KANK1: variants seen among roughly 807,000 people sequenced by gnomAD.
The protein encoded by KANK1 is KN motif and ankyrin repeat domains 1.
In KANK1, 109 loss-of-function variants were observed where a neutral mutation model predicts 106.2. The ratio of observed to expected loss-of-function variants is 1.03; its 90% CI spans 0.88 to 1.20. The LOEUF (loss-of-function observed/expected upper bound fraction) is 1.20, where lower values mean the gene tolerates loss of function less well. Ranked by LOEUF, KANK1 falls within the 50% of genes most tolerant of loss-of-function variation. The pLI is 0.00. For synonymous variants in KANK1, 873 were observed against 652.2 expected (o/e 1.34, Z -5.16); for missense variants, 2,399 against 1,710.7 (o/e 1.40, Z -7.10).
upstream of KANK1, among the ~76,000 whole-genome samples, chr9:504,058 A>C (rs1452295989): frequency 6.6e-6 from 1 of 151,998 alleles, no homozygotes; most frequent in East Asian, 1.9e-4. Context: ...GACCGTGCTG[A>C]CGAGGCACCT....
chr9:564,241 T>A (rs1308326219), intron 1 of KANK1, among the ~76,000 whole-genome samples: 1 of 151,958 alleles, frequency 6.6e-6, no homozygotes, highest in Non-Finnish European at 1.5e-5. Context: ...TTTGTGTTTT[T>A]TAGTAGAGAC....
intron 2 of KANK1, chr9:684,166 T>A (rs530451580): frequency 1.0e-6 from 1 of 985,322 alleles, no homozygotes; most frequent in Non-Finnish European, 1.2e-6. Flanking sequence ...CTTCGCCTTA[T>A]AAGCTTTCTT....
chr9:630,228 A>G (rs1835339763), intron 1 of KANK1, among the ~76,000 whole-genome samples: 1 of 151,772 alleles, frequency 6.6e-6, no homozygotes, highest in African/African-American at 2.4e-5. Context: ...AGCCTGGGCA[A>G]CAGAGCGAGA....
chr9:743,361 G>A (rs908631801), intron 10 of KANK1, among the ~76,000 whole-genome samples: 2 of 152,236 alleles, frequency 1.3e-5, no homozygotes, highest in African/African-American at 2.4e-5. Flanking sequence ...CATGGAAGCT[G>A]CAGCTGTAGC....
chr9:726,330 C>T (rs116710131), intron 3 of KANK1, among the ~76,000 whole-genome samples: 1 of 152,272 alleles, frequency 6.6e-6, no homozygotes, highest in African/African-American at 2.4e-5. Flanking sequence ...TTGATCTTTT[C>T]TAGTTTCCGT....
rs772627297 is a variant in KANK1, at chr9:745,337, C to G, written c.*102C>G. On this transcript the variant is annotated 3_prime_UTR_variant, in exon 12 of 12. Coordinates refer to ENST00000382297, the MANE Select transcript of KANK1 (RefSeq NM_015158.5). ...TGTATACGTATTGTGCCTGAGCTCA[C>G]CAGCAAACAGAAGCATCAAGCCCAG... 142 of 1,448,556 alleles carry G rather than the reference C, an allele frequency of 9.8e-5. No homozygotes were observed. Among genetic ancestry groups the G allele is most frequent in the Non-Finnish European group, 1.2e-4 (124 of 1,036,690 alleles). The allele number at this position is 1,448,556 out of a possible 1,614,324, so 89.7% of individuals were successfully genotyped here. A position where few individuals can be genotyped will look rare whatever the true frequency, so the allele number is the denominator to read the frequency against.
chr9:530,762 G>T (rs1449494839), intron 1 of KANK1, among the ~76,000 whole-genome samples: 1 of 152,214 alleles, frequency 6.6e-6, no homozygotes, highest in African/African-American at 2.4e-5. Context: ...GCCCAGGAAG[G>T]TGGAGTGCTT....
chr9:514,150 C>T (rs1235133208), intron 1 of KANK1, among the ~76,000 whole-genome samples: 1 of 63,556 alleles, frequency 1.6e-5, no homozygotes, highest in Non-Finnish European at 2.7e-5. Context: ...CTCCCTTCCT[C>T]TCTCCCTCCC....
chr9:475,731 G>A (rs2058091365), intron 3 of KANK1, among the ~76,000 whole-genome samples: 1 of 152,100 alleles, frequency 6.6e-6, no homozygotes, highest in African/African-American at 2.4e-5. Flanking sequence ...GCCCTGCAAA[G>A]CCATCCTTTG....
At chr9:632,146 A>G (rs962114394) in intron 1 of KANK1, among the ~76,000 whole-genome samples, 7 of 152,240 alleles carry the variant, frequency 4.6e-5, no homozygotes, top group South Asian at 2.1e-4. Flanking sequence ...GGTATGGTCA[A>G]ACGTTAGAAA....
At chr9:693,742 G>A in intron 2 of KANK1, 1 of 985,326 alleles carries the variant, frequency 1.0e-6, no homozygotes. Flanking sequence ...CCTGAGACCT[G>A]GCTTCCTGCT....
At chr9:683,403 G>A (rs1478311959) in intron 2 of KANK1, among the ~76,000 whole-genome samples, 1 of 152,192 alleles carries the variant, frequency 6.6e-6, no homozygotes, top group East Asian at 1.9e-4. Flanking sequence ...CCATAAGCAC[G>A]TAGGTAAGAA....
chr9:508,417 G>A (rs4548235), intron 1 of KANK1, among the ~76,000 whole-genome samples: 19,622 of 152,134 alleles, frequency 0.13, 2,102 homozygotes, highest in African/African-American at 0.29. Flanking sequence ...CATTACAGGC[G>A]TGAGCCACTG....
chr9:492,884 C>T lies in KANK1; in HGVS notation c.-362+19611C>T, dbSNP rs142937126. Among the ~76,000 whole-genome samples the T allele has an allele frequency of 2.1e-3, 320 of 151,948 alleles. 3 individuals are homozygous for T. Among genetic ancestry groups the T allele is most frequent in the African/African-American group, 7.2e-3 (300 of 41,464 alleles). ...TACTAAAAATACAAAATTAGCCGGG[C>T]GTGGTGACCCTTACCTGTAATCCCA... On this transcript the variant is annotated intron_variant, in intron 3 of 15. Transcript: ENST00000382303.
intron 3 of KANK1, among the ~76,000 whole-genome samples, chr9:720,847 T>G (rs900028119): frequency 6.6e-6 from 1 of 152,200 alleles, no homozygotes; most frequent in African/African-American, 2.4e-5. Context: ...TACTTTCTGT[T>G]TAGTATGAAC....
chr9:742,182 G>C (rs1207243449), intron 9 of KANK1, 23 bp from the exon 10 acceptor site: 2 of 1,611,484 alleles, frequency 1.2e-6, no homozygotes, highest in Non-Finnish European at 1.7e-6. Context: ...TACTTCTGAA[G>C]TCCTTGTCAT....
intron 1 of KANK1, among the ~76,000 whole-genome samples, chr9:569,197 C>CA (rs34585207): frequency 0.34 from 52,053 of 151,996 alleles, 11,421 homozygotes; most frequent in South Asian, 0.56. Context: ...AACTTTGTCT[C>CA]AAAAAACATA....
chr9:742,876 G>A (rs1455406229), intron 10 of KANK1, among the ~76,000 whole-genome samples: 1 of 152,206 alleles, frequency 6.6e-6, no homozygotes, highest in South Asian at 2.1e-4. Flanking sequence ...TGAGTAGCTT[G>A]TGACACAACA....
intron 1 of KANK1, among the ~76,000 whole-genome samples, chr9:524,982 CTTTT>C (rs35377139): frequency 1.2e-4 from 11 of 91,958 alleles, no homozygotes; most frequent in African/African-American, 5.2e-4. Flanking sequence ...CTCTTGCTGC[CTTTT>C]TTTTTTTTTT....
Sources: allele counts gnomAD v4.1 joint callset (sites outside exome capture counted in the v4.1 genomes callset), GRCh38; gene constraint gnomAD v4.1.1; transcripts MANE v1.5; gene names NCBI Gene and HGNC (gene_info 2026-07-23, HGNC 2026-07-21).